FSIP1: variants seen among roughly 807,000 people sequenced by gnomAD.
FSIP1 encodes fibrous sheath interacting protein 1, also known as fibrous sheath-interacting protein 1.
In FSIP1, 65 loss-of-function variants were observed where a neutral mutation model predicts 60.9. The ratio of observed to expected loss-of-function variants is 1.07; its 90% confidence interval spans 0.87 to 1.31. FSIP1 has a LOEUF of 1.31. Among genes scored for constraint, FSIP1 ranks in the 40% most tolerant of loss-of-function variants. The probability of loss-of-function intolerance (pLI) is 0.00; values close to 1 mark genes in which losing one functional copy is unlikely to be tolerated. For synonymous variants in FSIP1, 209 were observed against 221.2 expected, an observed-to-expected ratio of 0.94 and a Z score of 0.49; for missense variants, 675 against 665.5, an observed-to-expected ratio of 1.01 and a Z score of -0.16.
intron 10 of FSIP1, among the ~76,000 whole-genome samples, chr15:39,648,223 AAAAG>A (rs1319705195): frequency 6.6e-6 from 1 of 151,904 alleles, no homozygotes; most frequent in Non-Finnish European, 1.5e-5. Flanking sequence ...AAAAAAAAAA[AAAAG>A]AAAAATTAGA....
chr15:39,606,529 A>T (rs111605310), intron 11 of FSIP1, among the ~76,000 whole-genome samples: 424 of 152,288 alleles, frequency 2.8e-3, no homozygotes, highest in African/African-American at 8.9e-3. Flanking sequence ...TAGTCACCCT[A>T]CAGTGCTATA....
chr15:39,742,591 C>A (rs1271440231), intron 5 of FSIP1, among the ~76,000 whole-genome samples: 3 of 152,132 alleles, frequency 2.0e-5, no homozygotes, highest in African/African-American at 7.2e-5. Context: ...GGTTGCAGCA[C>A]AGAAATGGTT....
At chr15:39,701,601 A>C (rs1270617735) in intron 10 of FSIP1, among the ~76,000 whole-genome samples, 1 of 152,218 alleles carries the variant, frequency 6.6e-6, no homozygotes, top group African/African-American at 2.4e-5. Flanking sequence ...TAACTCCAAG[A>C]ATGTCCACTT....
intron 2 of FSIP1, among the ~76,000 whole-genome samples, chr15:39,775,471 C>G (rs979880671): frequency 6.7e-6 from 1 of 150,124 alleles, no homozygotes; most frequent in African/African-American, 2.4e-5. Context: ...AAAATCAAGT[C>G]TAGAAGTCTA....
chr15:39,765,228 G>C (rs1042980292), intron 4 of FSIP1, among the ~76,000 whole-genome samples: 2 of 148,772 alleles, frequency 1.3e-5, no homozygotes, highest in Non-Finnish European at 3.0e-5. Context: ...ACTCATCTTA[G>C]AGGAAATTCT....
At chr15:39,733,024 A>G (rs16952186) in intron 8 of FSIP1, among the ~76,000 whole-genome samples, 7,627 of 152,266 alleles carry the variant, frequency 0.05, 587 homozygotes, top group Admixed American at 0.2. Context: ...TTGCAGAAAG[A>G]ACTCTCAGTA....
intron 6 of FSIP1, among the ~76,000 whole-genome samples, chr15:39,740,796 CGAGA>C (rs1896777459): frequency 6.6e-6 from 1 of 151,800 alleles, no homozygotes; most frequent in South Asian, 2.1e-4. Context: ...CTGGAAAGAA[CGAGA>C]GAAAGAGTAA....
At chr15:39,738,813 C>T (rs1896705770) in intron 7 of FSIP1, among the ~76,000 whole-genome samples, 1 of 152,160 alleles carries the variant, frequency 6.6e-6, no homozygotes, top group Admixed American at 6.5e-5. Context: ...GAATGTGGAG[C>T]ACAAAAATCG....
intron 10 of FSIP1, among the ~76,000 whole-genome samples, chr15:39,642,901 T>G (rs1214888333): frequency 6.6e-6 from 1 of 152,210 alleles, no homozygotes; most frequent in Admixed American, 6.5e-5. Context: ...AAAACAATGT[T>G]GTACTATAAT....
rs961116842 is a variant in FSIP1, at chr15:39,780,945, G to A, written c.-8+1683C>T. Among the ~76,000 whole-genome samples, 15 of 152,208 alleles carry A rather than the reference G, an allele frequency of 9.9e-5. 1 individual carries two copies. The highest frequency in any genetic ancestry group is 9.2e-4 in the Admixed American group (14 of 15,300). Reference sequence around the variant, plus strand: ...CTGTGGGTTAGGCAAAAATTTCTTAGATACAACATCAAAGGCATGATTCAT... The same window carrying A: ...CTGTGGGTTAGGCAAAAATTTCTTAAATACAACATCAAAGGCATGATTCAT... On this transcript the variant is annotated intron_variant, in intron 1 of 11. Coordinates refer to ENST00000350221, the MANE Select transcript of FSIP1 (RefSeq NM_152597.5).
At chr15:39,720,955 C>T (rs1212355670) in intron 9 of FSIP1, among the ~76,000 whole-genome samples, 1 of 152,172 alleles carries the variant, frequency 6.6e-6, no homozygotes, top group Non-Finnish European at 1.5e-5. Flanking sequence ...AGTAATATGC[C>T]ATTCTTTCTT....
intron 9 of FSIP1, among the ~76,000 whole-genome samples, chr15:39,714,889 C>G (rs2140558683): frequency 6.9e-6 from 1 of 144,820 alleles, no homozygotes; most frequent in South Asian, 2.3e-4. Flanking sequence ...GGGAGGATCA[C>G]TTGAACCTGG....
chr15:39,608,683 C>G (rs745477872), intron 11 of FSIP1, among the ~76,000 whole-genome samples: 29 of 152,216 alleles, frequency 1.9e-4, no homozygotes, highest in Non-Finnish European at 3.2e-4. Context: ...TAAGTGAACT[C>G]TGCTGCTAAA....
chr15:39,626,036 G>A (rs28377784), intron 10 of FSIP1, among the ~76,000 whole-genome samples: 30,239 of 151,834 alleles, frequency 0.2, 3,671 homozygotes, highest in African/African-American at 0.34. Context: ...GTTGTGATGG[G>A]GTCAGTAGTC....
At chr15:39,632,349 TA>T (rs2140404765) in intron 10 of FSIP1, among the ~76,000 whole-genome samples, 1 of 152,240 alleles carries the variant, frequency 6.6e-6, no homozygotes, top group East Asian at 1.9e-4. Flanking sequence ...GCTAATTTTT[TA>T]ATTTTTTTGT....
At chr15:39,627,247 G>A (rs1263887982) in intron 10 of FSIP1, among the ~76,000 whole-genome samples, 2 of 152,232 alleles carry the variant, frequency 1.3e-5, no homozygotes, top group Admixed American at 1.3e-4. Context: ...AGGCTGAGCA[G>A]ATCTAACATG....
intron 10 of FSIP1, among the ~76,000 whole-genome samples, chr15:39,666,471 G>T (rs1463590608): frequency 1.3e-5 from 2 of 152,096 alleles, no homozygotes; most frequent in Non-Finnish European, 2.9e-5. Flanking sequence ...TGTCACAGAG[G>T]TAATAACTAA....
intron 5 of FSIP1, among the ~76,000 whole-genome samples, chr15:39,743,400 T>G (rs568097574): frequency 6.6e-6 from 1 of 152,298 alleles, no homozygotes; most frequent in East Asian, 1.9e-4. Flanking sequence ...GTTTTAAAAG[T>G]TGGGCATTCA....
intron 1 of FSIP1, 128 bp from the exon 2 acceptor site, chr15:39,776,659 A>G: frequency 2.5e-6 from 2 of 805,080 alleles, no homozygotes; most frequent in Non-Finnish European, 1.9e-6. Flanking sequence ...AGTCACACTT[A>G]AGGGTTCCCC....
Sources: allele counts gnomAD v4.1 joint callset (sites outside exome capture counted in the v4.1 genomes callset), GRCh38; gene constraint gnomAD v4.1.1; transcripts MANE v1.5; gene names NCBI Gene and HGNC (gene_info 2026-07-23, HGNC 2026-07-21).